Variants in DPPA4 observed in about 807,000 individuals in gnomAD.
The protein encoded by DPPA4 is developmental pluripotency associated 4.
In DPPA4, 22 loss-of-function variants were observed where a neutral mutation model predicts 33.7. The observed-to-expected ratio is 0.65, with a 90% CI of 0.47 to 0.93. DPPA4 has a LOEUF of 0.93. Among genes scored for constraint, DPPA4 ranks in the 40% least tolerant of loss-of-function variants. DPPA4 has a pLI of 0.00. For synonymous variants in DPPA4, 156 were observed against 132.3 expected, an observed-to-expected ratio of 1.18 and a Z score of -1.23; for missense variants, 340 against 358.6, an observed-to-expected ratio of 0.95 and a Z score of 0.42.
At chr3:109,330,443 AC>A (rs1708043114) in intron 5 of DPPA4, 80 bp downstream of exon 5, 1 of 1,533,114 alleles carries the variant, frequency 6.5e-7, no homozygotes, top group African/African-American at 1.4e-5. Context: ...ATTTTGATAT[AC>A]CCTAAAATGT....
upstream of DPPA4, chr3:109,337,690 A>C (rs1690926821): frequency 4.8e-6 from 3 of 629,830 alleles, no homozygotes; most frequent in Non-Finnish European, 8.5e-6. Flanking sequence ...TCATGGGGTG[A>C]CTTTTGTCTG....
intron 3 of DPPA4, 38 bp from the exon 4 acceptor site, chr3:109,331,822 G>C (rs1014464238): frequency 3.7e-6 from 6 of 1,613,538 alleles, no homozygotes; most frequent in Admixed American, 1.7e-5. Context: ...AGGCAAATAA[G>C]GTTCCTACCC....
chr3:109,330,788 C>T lies in DPPA4; in HGVS notation c.415G>A (p.Ala139Thr), dbSNP rs1016436967. 1 of 1,612,714 alleles carries T rather than the reference C, an allele frequency of 6.2e-7. No homozygotes were observed. Among genetic ancestry groups the T allele is most frequent in the Non-Finnish European group, 8.5e-7 (1 of 1,179,560 alleles). Residue 139 changes from alanine to threonine, a missense_variant, in exon 5 of 7, where the codon GCC becomes ACC. Transcript: ENST00000335658. ...TTTTGCAATGATTTCCGGATTTTGG[C>T]CTCTTTTGCTGTGCTAGGAAAATCC... ...QKDFPSTAKEAKIRKSLQKKL... is the reference protein window; with the variant it reads ...QKDFPSTAKETKIRKSLQKKL...
upstream of DPPA4, chr3:109,337,620 T>C (rs1708241928): frequency 3.1e-6 from 3 of 972,788 alleles, no homozygotes; most frequent in African/African-American, 1.6e-5. Flanking sequence ...TCTTCTTTTC[T>C]TCTCCCCTTC....
At chr3:109,334,718 T>G (rs1402549122) in intron 1 of DPPA4, among the ~76,000 whole-genome samples, 4 of 152,166 alleles carry the variant, frequency 2.6e-5, no homozygotes, top group Non-Finnish European at 4.4e-5. Context: ...GTCTTTAACA[T>G]TACCTACCAG....
At chr3:109,338,371 C>G (rs915640810), upstream of DPPA4, among the ~76,000 whole-genome samples, 1 of 152,094 alleles carries the variant, frequency 6.6e-6, no homozygotes, top group African/African-American at 2.4e-5. Context: ...CTACTGACTC[C>G]CAAAGAAGTT....
At position 109,330,537 on chromosome 3, in the gene DPPA4, T is replaced by A. The variant is rs13059848; in HGVS notation, c.666A>T (p.Pro222=). The change falls in exon 5 of 7, where the codon CCA becomes CCT. Residue 222 remains proline, a synonymous_variant. Coordinates refer to ENST00000335658, the MANE Select transcript of DPPA4 (RefSeq NM_018189.4). ...RARTPEAVES[P]QEASGVRWCV... The stretch of plus-strand genomic sequence containing the variant: ...TGTTGCGCTTACCAGAGGCCTCTTG[T>A]GGAGATTCCACTGCCTCTGGTGTCC... 6.2e-7 allele frequency: 1 copy of A among 1,613,788 alleles called. No homozygotes were observed. The highest frequency in any genetic ancestry group is 1.1e-5 in the South Asian group (1 of 91,062).
upstream of DPPA4, among the ~76,000 whole-genome samples, chr3:109,339,083 A>G (rs903648563): frequency 2.7e-5 from 4 of 146,144 alleles, no homozygotes; most frequent in Admixed American, 6.7e-5. Context: ...CCCAGCTACC[A>G]AGGAGGTTGA....
At chr3:109,333,250 G>A (rs1447766455) in intron 2 of DPPA4, 2 of 150,238 alleles carry the variant, frequency 1.3e-5, no homozygotes, top group African/African-American at 4.9e-5. Context: ...GCTGAGACAG[G>A]AGAATTGCTT....
chr3:109,337,367 G>T, intron 1 of DPPA4, 97 bp downstream of exon 1: 2 of 1,085,176 alleles, frequency 1.8e-6, no homozygotes, highest in Non-Finnish European at 2.8e-6. Flanking sequence ...AAATTCGAAG[G>T]CACATTCTTT....
chr3:109,334,209 A>C (rs1416228916), intron 1 of DPPA4, among the ~76,000 whole-genome samples: 3 of 152,218 alleles, frequency 2.0e-5, no homozygotes, highest in Admixed American at 2.0e-4. Context: ...TTGAAAGCAC[A>C]TGAAAAGACA....
At chr3:109,336,066 T>C (rs369462528) in intron 1 of DPPA4, among the ~76,000 whole-genome samples, 1 of 151,250 alleles carries the variant, frequency 6.6e-6, no homozygotes, top group Admixed American at 6.6e-5. Flanking sequence ...GTCAGGAGAA[T>C]CGCTTGAACC....
In DPPA4 at chr3:109,337,544, A is replaced by C. The variant is rs188593809; in HGVS notation, c.-27T>G. ...CTTCCAAAATGGCCCCTGCCCCAAG[A>C]TTGCTATTTGCAAAGTCTCCTCCCA... On this transcript the variant is annotated 5_prime_UTR_variant, in exon 1 of 7. Transcript: ENST00000335658. 1.2e-5 allele frequency: 20 copies of C among 1,613,306 alleles called. No individual in the cohort carries two copies. In the Admixed American group the frequency reaches 2.7e-4, roughly 22 times the overall value.
Position 109,328,277 on chromosome 3 carries a change from C to T in DPPA4, c.879-253G>A, listed in dbSNP as rs144637258. On this transcript the variant is annotated intron_variant, in intron 6 of 6. Transcript: ENST00000335658. ...CTCTTTTCATCACTTTCCCAAAAAC[C>T]TAAGTATGTCATTAAAGGACTACCC... Among the ~76,000 whole-genome samples, 318 of 152,204 alleles carry T rather than the reference C, an allele frequency of 2.1e-3. 2 individuals are homozygous for T. The highest frequency in any genetic ancestry group is 7.0e-3 in the African/African-American group (292 of 41,528).
rs1324525144 is a variant in DPPA4, at chr3:109,327,485, A to C, written c.*503T>G. ...CAGGAGTTTGAGACCAACCTGGCCA[A>C]CATGGTGAAACCCCATCTCTACTAA... On this transcript the variant is annotated 3_prime_UTR_variant, in exon 7 of 7. Coordinates refer to ENST00000335658, the MANE Select transcript of DPPA4 (RefSeq NM_018189.4). 1 of 153,036 alleles carries C rather than the reference A, an allele frequency of 6.5e-6. No homozygotes were observed. Among genetic ancestry groups the C allele is most frequent in the Admixed American group, 6.5e-5 (1 of 15,322 alleles). The allele number at this position is 153,036 out of a possible 1,614,324, so 9.5% of individuals were successfully genotyped here. A position where few individuals can be genotyped will look rare whatever the true frequency, so the allele number is the denominator to read the frequency against.
rs773508615 is a variant in DPPA4, at chr3:109,327,952, A to T, written c.*36T>A. Reference sequence around the variant, plus strand: ...AATCCAACTCTCCAGCTTTTCTGCCATTAATTACCATAGATGTGGCCTTTT... The same window carrying T: ...AATCCAACTCTCCAGCTTTTCTGCCTTTAATTACCATAGATGTGGCCTTTT... On this transcript the variant is annotated 3_prime_UTR_variant, in exon 7 of 7. Coordinates refer to ENST00000335658, the MANE Select transcript of DPPA4 (RefSeq NM_018189.4). The T allele has an allele frequency of 1.1e-5, 16 of 1,471,280 alleles. No individual in the cohort carries two copies. The Admixed American group carries it at 1.3e-4, about 12-fold the overall frequency. The allele number at this position is 1,471,280 out of a possible 1,614,324, so 91.1% of individuals were successfully genotyped here.
chr3:109,331,623 G>A, intron 4 of DPPA4, 111 bp downstream of exon 4: 1 of 756,804 alleles, frequency 1.3e-6, no homozygotes, highest in Non-Finnish European at 2.2e-6. Context: ...TTCTTTCTTA[G>A]AACTAGGGGT....
At chr3:109,332,770 C>T (rs551358556) in intron 2 of DPPA4, among the ~76,000 whole-genome samples, 2 of 152,168 alleles carry the variant, frequency 1.3e-5, no homozygotes, top group Non-Finnish European at 2.9e-5. Context: ...CATCCCGCTT[C>T]TGCACCTCAC....
At chr3:109,332,104 CTT>C in intron 2 of DPPA4, 73 bp from the exon 3 acceptor site, 1 of 1,301,672 alleles carries the variant, frequency 7.7e-7, no homozygotes, top group Non-Finnish European at 1.0e-6. Context: ...AGTAAAATCA[CTT>C]TTTTTTTCTT....
Sources: allele counts gnomAD v4.1 joint callset (sites outside exome capture counted in the v4.1 genomes callset), GRCh38; gene constraint gnomAD v4.1.1; transcripts MANE v1.5; gene names NCBI Gene and HGNC (gene_info 2026-07-23, HGNC 2026-07-21).